Variants in BIRC6 observed in about 807,000 individuals in gnomAD.
The protein encoded by BIRC6 is baculoviral IAP repeat containing 6.
Under a neutral mutation model 503.3 loss-of-function variants are expected in BIRC6, and 98 were observed. The observed-to-expected ratio is 0.19, with a 90% CI of 0.17 to 0.23. The LOEUF is 0.23. Among genes scored for constraint, BIRC6 ranks in the 10% least tolerant of loss-of-function variants. The probability of loss-of-function intolerance (pLI) is 1.00; values close to 1 mark genes in which losing one functional copy is unlikely to be tolerated. For missense variants in BIRC6, 5,360 were observed against 5,806.0 expected (o/e 0.92, Z 2.50); for synonymous variants, 2,240 against 2,078.7 (o/e 1.08, Z -2.11).
chr2:32,523,510 G>C (rs942440617), intron 57 of BIRC6: 3 of 151,996 alleles, frequency 2.0e-5, no homozygotes, highest in African/African-American at 7.2e-5. Context: ...TAGTTGCTTG[G>C]TTGTTTTTGT....
intron 39 of BIRC6, among the ~76,000 whole-genome samples, chr2:32,484,628 G>A (rs944090924): frequency 6.6e-6 from 1 of 151,682 alleles, no homozygotes; most frequent in Non-Finnish European, 1.5e-5. Flanking sequence ...CGGACTCATG[G>A]TTGCCTTTTT....
At chr2:32,486,064 C>T (rs1050126839) in intron 40 of BIRC6, among the ~76,000 whole-genome samples, 1 of 152,194 alleles carries the variant, frequency 6.6e-6, no homozygotes, top group African/African-American at 2.4e-5. Flanking sequence ...AGCCTTCATA[C>T]CTGCCTGTGA....
chr2:32,467,713 C>T lies in BIRC6; in HGVS notation c.5545C>T (p.Pro1849Ser), dbSNP rs1456379181. 6.2e-7 allele frequency: 1 copy of T among 1,613,400 alleles called. No individual in the cohort carries two copies. The highest frequency in any genetic ancestry group is 8.5e-7 in the Non-Finnish European group (1 of 1,179,692). The change falls in exon 27 of 74, where the codon CCA becomes TCA. Residue 1849 changes from proline to serine, a missense_variant. Physicochemically the swap from Pro to Ser is moderately conservative, Grantham distance 74. This residue lies in a region of BIRC6 where 2,299 missense variants were observed against 2,267.2 expected (regional missense o/e 1.01). Transcript: ENST00000421745. Reference sequence around the variant, plus strand: ...TTCACTAATTCTTCATGACTTAATACCACCTCCCGTGTGCAGATTCATGAA... The same window carrying T: ...TTCACTAATTCTTCATGACTTAATATCACCTCCCGTGTGCAGATTCATGAA... ...THSLILHDLIPPPVCRFMKIT... is the reference protein window; with the variant it reads ...THSLILHDLISPPVCRFMKIT...
At chr2:32,435,723 C>G in intron 14 of BIRC6, 138 bp downstream of exon 14, 2 of 948,286 alleles carry the variant, frequency 2.1e-6, no homozygotes, top group Non-Finnish European at 3.0e-6. Flanking sequence ...TATAATTCTG[C>G]TTTGGCAATA....
intron 9 of BIRC6, among the ~76,000 whole-genome samples, chr2:32,409,032 T>C (rs2041562708): frequency 6.6e-6 from 1 of 152,208 alleles, no homozygotes; most frequent in African/African-American, 2.4e-5. Flanking sequence ...TAAAAAGTGA[T>C]AAGGTACCAT....
intron 72 of BIRC6, among the ~76,000 whole-genome samples, chr2:32,610,424 A>G (rs1481408903): frequency 6.6e-6 from 1 of 152,270 alleles, no homozygotes; most frequent in Non-Finnish European, 1.5e-5. Context: ...TAATAAGGAA[A>G]TTTAACTTCC....
intron 15 of BIRC6, 55 bp downstream of exon 15, chr2:32,436,239 G>T: frequency 7.6e-6 from 10 of 1,311,890 alleles, no homozygotes; most frequent in South Asian, 2.2e-5. Flanking sequence ...TTGTAAAAAA[G>T]ACGAAAAAAA....
intron 54 of BIRC6, 145 bp downstream of exon 54, chr2:32,513,299 G>C (rs191884821): frequency 3.1e-6 from 2 of 640,234 alleles, no homozygotes; most frequent in African/African-American, 3.7e-5. Context: ...CTTTTGAAAT[G>C]AATTGTCAAA....
intron 70 of BIRC6, among the ~76,000 whole-genome samples, chr2:32,600,694 A>G (rs1039900564): frequency 1.3e-5 from 2 of 152,234 alleles, no homozygotes; most frequent in South Asian, 2.1e-4. Flanking sequence ...GCTTCGTTGC[A>G]TAGAGAAGAG....
chr2:32,598,577 T>G (rs181013934), intron 69 of BIRC6, among the ~76,000 whole-genome samples: 1 of 152,282 alleles, frequency 6.6e-6, no homozygotes, highest in East Asian at 1.9e-4. Flanking sequence ...ATTCCAAGAG[T>G]CTGCTGCATC....
At chr2:32,503,346 A>T (rs1232184529) in intron 49 of BIRC6, 110 bp downstream of exon 49, 7 of 867,374 alleles carry the variant, frequency 8.1e-6, no homozygotes, top group East Asian at 5.3e-5. Flanking sequence ...CACTATTTTA[A>T]TTACAAACAG....
intron 22 of BIRC6, among the ~76,000 whole-genome samples, 156 bp from the exon 23 acceptor site, chr2:32,453,652 G>C (rs1020872286): frequency 6.6e-6 from 1 of 152,138 alleles, no homozygotes; most frequent in Non-Finnish European, 1.5e-5. Context: ...TGTTTTGTCA[G>C]TTTTCTTAAT....
chr2:32,579,459 G>C (rs1417318597), intron 66 of BIRC6, among the ~76,000 whole-genome samples: 2 of 152,114 alleles, frequency 1.3e-5, no homozygotes, highest in African/African-American at 4.8e-5. Flanking sequence ...AGGCTTAGGT[G>C]GGACGATCAC....
At chr2:32,609,516 T>C (rs2062710361) in intron 72 of BIRC6, among the ~76,000 whole-genome samples, 1 of 152,148 alleles carries the variant, frequency 6.6e-6, no homozygotes, top group African/African-American at 2.4e-5. Flanking sequence ...AAATGGTATA[T>C]TTACCTGATA....
intron 65 of BIRC6, among the ~76,000 whole-genome samples, chr2:32,549,920 A>C (rs370711731): frequency 6.6e-6 from 1 of 152,200 alleles, no homozygotes; most frequent in East Asian, 1.9e-4. Context: ...GATGATGATT[A>C]ATTTCTTAAA....
At chr2:32,479,340 T>C in intron 36 of BIRC6, 122 bp from the exon 37 acceptor site, 1 of 946,148 alleles carries the variant, frequency 1.1e-6, no homozygotes, top group Non-Finnish European at 1.6e-6. Context: ...TTGCCTCAGA[T>C]TCTTTTATAG....
chr2:32,550,548 A>G, intron 65 of BIRC6, among the ~76,000 whole-genome samples: 1 of 152,198 alleles, frequency 6.6e-6, no homozygotes, highest in East Asian at 1.9e-4. Flanking sequence ...GTTTGAGACT[A>G]TACATTTTAA....
intron 70 of BIRC6, among the ~76,000 whole-genome samples, chr2:32,601,708 G>A (rs2062072936): frequency 6.6e-6 from 1 of 152,224 alleles, no homozygotes; most frequent in Admixed American, 6.5e-5. Context: ...AAGAACACAT[G>A]TGATTGGCCC....
At chr2:32,476,406 T>G (rs774390608) in intron 34 of BIRC6, 62 bp downstream of exon 34, 5 of 1,480,882 alleles carry the variant, frequency 3.4e-6, no homozygotes, top group Non-Finnish European at 4.5e-6. Flanking sequence ...GATCTTTAAT[T>G]ACGATCGAGA....
Sources: gnomAD v4.1 joint callset for allele counts (sites outside exome capture counted in the v4.1 genomes callset) on GRCh38, gnomAD v4.1.1 for gene constraint, gnomAD v4.1.1 regional missense constraint, MANE v1.5 for transcripts, NCBI Gene and HGNC (gene_info 2026-07-23, HGNC 2026-07-21) for gene names.